The following MUC7 variants were observed in gnomAD, a reference collection of about 807,000 sequenced individuals.
MUC7 encodes the protein mucin 7, secreted.
In MUC7, 2 loss-of-function variants were observed where a neutral mutation model predicts 2.5. That is an observed-to-expected ratio of 0.81 (90% confidence interval 0.33 to 2.55). The LOEUF is 2.55. MUC7 is among the 30% of genes most tolerant of loss of function. The probability of loss-of-function intolerance (pLI) is 0.11; values close to 1 mark genes in which losing one functional copy is unlikely to be tolerated. For synonymous variants in MUC7, 133 were observed against 173.4 expected, an observed-to-expected ratio of 0.77 and a Z score of 1.83; for missense variants, 408 against 455.6, an observed-to-expected ratio of 0.90 and a Z score of 0.95.
chr4:70,457,132 A>T (rs748186323), intron 1 of MUC7, among the ~76,000 whole-genome samples: 13 of 152,200 alleles, frequency 8.5e-5, no homozygotes, highest in Non-Finnish European at 1.8e-4. Context: ...AGAACAATGT[A>T]GCCATTTGAC....
chr4:70,455,028 T>C (rs1021021345), intron 1 of MUC7, among the ~76,000 whole-genome samples: 1 of 152,200 alleles, frequency 6.6e-6, no homozygotes, highest in Non-Finnish European at 1.5e-5. Flanking sequence ...TATTTCCATT[T>C]ATATTTTATA....
At chr4:70,469,143 A>G, upstream of MUC7, among the ~76,000 whole-genome samples, 1 of 152,226 alleles carries the variant, frequency 6.6e-6, no homozygotes, top group East Asian at 1.9e-4. Flanking sequence ...CCTGAGAAAA[A>G]CAAGAAATGG....
intron 1 of MUC7, among the ~76,000 whole-genome samples, chr4:70,441,391 G>T (rs374222586): frequency 6.6e-6 from 1 of 152,016 alleles, no homozygotes; most frequent in South Asian, 2.1e-4. Flanking sequence ...CCACTATATC[G>T]GAAATACTTA....
intron 2 of MUC7, among the ~76,000 whole-genome samples, chr4:70,478,663 T>A (rs1735077697): frequency 6.6e-6 from 1 of 152,106 alleles, no homozygotes. Context: ...AGAGACCATC[T>A]GGAAAGGGAA....
intron 1 of MUC7, among the ~76,000 whole-genome samples, chr4:70,447,918 C>T (rs543829861): frequency 1.9e-4 from 29 of 152,264 alleles, no homozygotes; most frequent in Middle Eastern, 6.8e-3. Context: ...CACTAACCAT[C>T]CACACGTGCC....
intron 1 of MUC7, among the ~76,000 whole-genome samples, chr4:70,439,991 T>C (rs1448924047): frequency 2.0e-5 from 3 of 152,124 alleles, no homozygotes; most frequent in African/African-American, 7.2e-5. Context: ...TCCAAGATAC[T>C]ATCAGCATTA....
At chr4:70,437,014 G>A (rs919796033) in intron 1 of MUC7, among the ~76,000 whole-genome samples, 8 of 152,132 alleles carry the variant, frequency 5.3e-5, no homozygotes, top group African/African-American at 1.9e-4. Flanking sequence ...TGTTTGCTGG[G>A]TATCACCAGC....
chr4:70,441,173 C>T (rs1433996011), intron 1 of MUC7, among the ~76,000 whole-genome samples: 1 of 152,130 alleles, frequency 6.6e-6, no homozygotes, highest in African/African-American at 2.4e-5. Context: ...TCCCTACCTC[C>T]ATATATCTTT....
At chr4:70,448,313 T>C (rs1734193727) in intron 1 of MUC7, among the ~76,000 whole-genome samples, 1 of 152,214 alleles carries the variant, frequency 6.6e-6, no homozygotes, top group African/African-American at 2.4e-5. Context: ...AGCAGTGGAA[T>C]TGCTAGATCG....
intron 1 of MUC7, among the ~76,000 whole-genome samples, chr4:70,432,010 T>A (rs1733680540): frequency 6.6e-6 from 1 of 152,176 alleles, no homozygotes; most frequent in African/African-American, 2.4e-5. Context: ...TGGTTTTTTG[T>A]CCTCATGATA....
chr4:70,472,568 G>C lies in MUC7; in HGVS notation c.-16+277G>C, dbSNP rs193236246. On this transcript the variant is annotated intron_variant, in intron 1 of 2. Coordinates refer to ENST00000304887, the MANE Select transcript of MUC7 (RefSeq NM_152291.3). ...TTTCGTTTTTCAATTGGGTCAGATT[G>C]TTTTCTTCTTAGTGTGCTAGTACTA... is the stretch of plus-strand genomic sequence containing the variant. Among the ~76,000 whole-genome samples the C allele has an allele frequency of 5.3e-5, 8 of 152,240 alleles. No individual in the cohort carries two copies. In the East Asian group the frequency reaches 1.3e-3, roughly 26 times the overall value.
At position 70,481,246 on chromosome 4, in the gene MUC7, G is replaced by T; in HGVS notation, c.502G>T (p.Ala168Ser). Residue 168 changes from alanine to serine, a missense_variant, in exon 3 of 3, where the codon GCC becomes TCC. Coordinates refer to ENST00000304887, the MANE Select transcript of MUC7 (RefSeq NM_152291.3). ...CCCAGCTCCACAAGACACCACAGCT[G>T]CCCCACCCACACCTTCTGCAACTAC... is the stretch of plus-strand genomic sequence containing the variant. ...NSPAPQDTTA[A>S]PPTPSATTPA... The T allele has an allele frequency of 6.2e-7, 1 of 1,613,858 alleles. No homozygotes were observed. Among genetic ancestry groups the T allele is most frequent in the Non-Finnish European group, 8.5e-7 (1 of 1,179,826 alleles).
At position 70,432,941 on chromosome 4, in the gene MUC7, T is replaced by C. The variant is rs541102874; in HGVS notation, c.-93+2254T>C. Among the ~76,000 whole-genome samples the C allele has an allele frequency of 1.4e-4, 21 of 152,348 alleles. 1 individual carries two copies. The highest frequency in any genetic ancestry group is 1.1e-3 in the Admixed American group (17 of 15,302). ...AGGAAGGGATCCAGTTTCAGCTTTCTACATATGGCTAGCCAGTTTTCCCGA... is the reference window on the plus strand; with the variant it reads ...AGGAAGGGATCCAGTTTCAGCTTTCCACATATGGCTAGCCAGTTTTCCCGA... On this transcript the variant is annotated intron_variant, in intron 1 of 3. Transcript: ENST00000413702.
At chr4:70,456,520 C>A (rs1024707710) in intron 1 of MUC7, among the ~76,000 whole-genome samples, 1 of 152,126 alleles carries the variant, frequency 6.6e-6, no homozygotes, top group Non-Finnish European at 1.5e-5. Flanking sequence ...AAAGGGGAAG[C>A]AAGGCACATC....
At chr4:70,457,212 G>T (rs11941158) in intron 1 of MUC7, among the ~76,000 whole-genome samples, 20,867 of 152,188 alleles carry the variant, frequency 0.14, 1,704 homozygotes, top group Middle Eastern at 0.24. Flanking sequence ...GGAAGCCAAG[G>T]GGGGAGGACT....
intron 1 of MUC7, among the ~76,000 whole-genome samples, chr4:70,434,436 G>T (rs1443890759): frequency 1.3e-5 from 2 of 152,096 alleles, no homozygotes; most frequent in Non-Finnish European, 2.9e-5. Context: ...CTTCTTCCTA[G>T]TGTACTCTTG....
chr4:70,477,756 T>C (rs1002608030), intron 2 of MUC7, among the ~76,000 whole-genome samples: 8 of 152,192 alleles, frequency 5.3e-5, no homozygotes, highest in African/African-American at 1.9e-4. Flanking sequence ...ACCCACCTTA[T>C]GATATTACTA....
chr4:70,431,396 T>C (rs1466948356), intron 1 of MUC7, among the ~76,000 whole-genome samples: 1 of 152,066 alleles, frequency 6.6e-6, no homozygotes, highest in Non-Finnish European at 1.5e-5. Context: ...ATAAACATCT[T>C]CAAACACAAA....
At chr4:70,448,296 T>C (rs1263493248) in intron 1 of MUC7, among the ~76,000 whole-genome samples, 1 of 152,224 alleles carries the variant, frequency 6.6e-6, no homozygotes, top group Non-Finnish European at 1.5e-5. Context: ...CTTTTGGGTA[T>C]ACACCTAGCA....
Sources: allele counts gnomAD v4.1 joint callset (sites outside exome capture counted in the v4.1 genomes callset), GRCh38; gene constraint gnomAD v4.1.1; transcripts MANE v1.5; gene names NCBI Gene and HGNC (gene_info 2026-07-23, HGNC 2026-07-21).